Variants in CCSER1 observed in about 807,000 individuals in gnomAD.
The protein encoded by CCSER1 is serine-rich coiled-coil domain-containing protein 1.
Under a neutral mutation model 82.0 loss-of-function variants are expected in CCSER1, and 41 were observed. That is an observed-to-expected ratio of 0.50 (90% CI 0.39 to 0.65). The LOEUF is 0.65. CCSER1 is among the 30% of genes least tolerant of loss of function. The pLI, the probability that CCSER1 is intolerant of heterozygous loss-of-function variation, is 0.00. For missense variants in CCSER1, 1,119 were observed against 1,064.2 expected (o/e 1.05, Z -0.72); for synonymous variants, 414 against 383.9 (o/e 1.08, Z -0.92).
chr4:90,713,989 A>G (rs1184634132), intron 6 of CCSER1, among the ~76,000 whole-genome samples: 1 of 151,854 alleles, frequency 6.6e-6, no homozygotes, highest in African/African-American at 2.4e-5. Context: ...GCTCCATCAG[A>G]CATTTCTCTC....
At chr4:91,576,802 A>G (rs1190037758) in intron 10 of CCSER1, among the ~76,000 whole-genome samples, 1 of 151,920 alleles carries the variant, frequency 6.6e-6, no homozygotes, top group Admixed American at 6.6e-5. Flanking sequence ...CAGTGCTCAA[A>G]AAGTTTTGGA....
chr4:90,964,037 A>T (rs962899653), intron 9 of CCSER1, among the ~76,000 whole-genome samples: 1 of 152,208 alleles, frequency 6.6e-6, no homozygotes, highest in Non-Finnish European at 1.5e-5. Context: ...ATGCAAGAAG[A>T]ACTCTTTTTT....
chr4:90,983,913 C>T (rs1287129184), intron 9 of CCSER1, among the ~76,000 whole-genome samples: 1 of 151,764 alleles, frequency 6.6e-6, no homozygotes, highest in African/African-American at 2.4e-5. Flanking sequence ...TCTCTAAATG[C>T]TTGTCTCCTT....
intron 8 of CCSER1, among the ~76,000 whole-genome samples, chr4:90,872,170 T>A (rs1766607690): frequency 6.6e-6 from 1 of 151,932 alleles, no homozygotes; most frequent in Admixed American, 6.6e-5. Flanking sequence ...GGATTCAATG[T>A]TATTAATAAG....
intron 10 of CCSER1, among the ~76,000 whole-genome samples, chr4:91,364,327 G>GTTCCCATCAT (rs1749461432): frequency 6.6e-6 from 1 of 151,828 alleles, no homozygotes; most frequent in Non-Finnish European, 1.5e-5. Context: ...TTTTCATGAT[G>GTTCCCATCAT]GGAAATACAC....
chr4:91,339,267 T>C (rs945123331), intron 10 of CCSER1, among the ~76,000 whole-genome samples: 1 of 152,180 alleles, frequency 6.6e-6, no homozygotes, highest in Non-Finnish European at 1.5e-5. Flanking sequence ...GCACTTGCCA[T>C]ACTGCCAGAC....
intron 5 of CCSER1, among the ~76,000 whole-genome samples, chr4:90,577,370 A>G (rs1780885763): frequency 6.6e-6 from 1 of 152,116 alleles, no homozygotes; most frequent in African/African-American, 2.4e-5. Context: ...TTTAACTCTC[A>G]TAATTGTCCA....
chr4:90,270,921 T>C (rs1441167957), intron 1 of CCSER1, among the ~76,000 whole-genome samples: 1 of 152,050 alleles, frequency 6.6e-6, no homozygotes, highest in African/African-American at 2.4e-5. Context: ...TACTTAGGAA[T>C]TAATGTAGCC....
intron 4 of CCSER1, among the ~76,000 whole-genome samples, chr4:90,462,023 G>A (rs1415208827): frequency 2.0e-5 from 3 of 151,386 alleles, no homozygotes; most frequent in Non-Finnish European, 4.4e-5. Flanking sequence ...CAGTCATGAT[G>A]CAATGGCTTG....
chr4:90,465,562 C>A (rs1763515929), intron 4 of CCSER1, among the ~76,000 whole-genome samples: 1 of 152,060 alleles, frequency 6.6e-6, no homozygotes, highest in Non-Finnish European at 1.5e-5. Context: ...TTTTCATTGG[C>A]AAATTTTTTC....
chr4:91,137,012 C>CTTT (rs33996386), intron 10 of CCSER1, among the ~76,000 whole-genome samples: 1,541 of 149,284 alleles, frequency 0.01, 13 homozygotes, highest in African/African-American at 0.022. Context: ...TATAAAAATT[C>CTTT]TTTTTTTTTT....
intron 2 of CCSER1, among the ~76,000 whole-genome samples, chr4:90,310,386 C>A (rs942722682): frequency 6.6e-6 from 1 of 151,868 alleles, no homozygotes; most frequent in African/African-American, 2.4e-5. Flanking sequence ...ATTTTAATTC[C>A]TTTTTCTCTA....
At chr4:90,415,397 T>A (rs1755642042) in intron 4 of CCSER1, among the ~76,000 whole-genome samples, 1 of 152,212 alleles carries the variant, frequency 6.6e-6, no homozygotes. Flanking sequence ...ATAAAATCGA[T>A]TAACTTTTTT....
At chr4:90,309,784 A>C (rs967049304) in intron 2 of CCSER1, among the ~76,000 whole-genome samples, 176 bp downstream of exon 2, 3 of 152,102 alleles carry the variant, frequency 2.0e-5, no homozygotes, top group African/African-American at 7.2e-5. Context: ...TTAAACTTAC[A>C]TCAATTGTGT....
chr4:90,813,599 A>T (rs1758625217), intron 7 of CCSER1, among the ~76,000 whole-genome samples: 1 of 152,112 alleles, frequency 6.6e-6, no homozygotes, highest in Non-Finnish European at 1.5e-5. Flanking sequence ...AGTCTCACAG[A>T]TCTGATGGGT....
intron 5 of CCSER1, among the ~76,000 whole-genome samples, chr4:90,555,205 A>G (rs1036213676): frequency 6.4e-4 from 97 of 152,260 alleles, no homozygotes; most frequent in African/African-American, 2.3e-3. Flanking sequence ...TTTACATAGG[A>G]ACGTTTCTTG....
chr4:90,510,240 G>A (rs1473626524), intron 5 of CCSER1, among the ~76,000 whole-genome samples: 1 of 152,044 alleles, frequency 6.6e-6, no homozygotes, highest in Non-Finnish European at 1.5e-5. Context: ...GGTATTTATT[G>A]CTTTTTAACC....
intron 10 of CCSER1, among the ~76,000 whole-genome samples, chr4:91,512,095 C>T (rs188193888): frequency 3.3e-5 from 5 of 152,136 alleles, no homozygotes; most frequent in African/African-American, 1.2e-4. Context: ...TTTTGTAGTT[C>T]TCCTTGTAGA....
intron 9 of CCSER1, among the ~76,000 whole-genome samples, chr4:90,933,226 C>G (rs1377127126): frequency 6.7e-6 from 1 of 148,852 alleles, no homozygotes; most frequent in Non-Finnish European, 1.5e-5. Flanking sequence ...CTCGCTCTGT[C>G]GCCGAGGCTG....
Sources: allele counts gnomAD v4.1 joint callset (sites outside exome capture counted in the v4.1 genomes callset), GRCh38; gene constraint gnomAD v4.1.1; transcripts MANE v1.5; gene names NCBI Gene and HGNC (gene_info 2026-07-23, HGNC 2026-07-21).